SHANK2: variants seen among roughly 807,000 people sequenced by gnomAD.
SHANK2 encodes SH3 and multiple ankyrin repeat domains protein 2.
SHANK2 carries 43 observed loss-of-function variants against 133.7 expected under a neutral mutation model. The ratio of observed to expected loss-of-function variants is 0.32; its 90% CI spans 0.25 to 0.41. The LOEUF (loss-of-function observed/expected upper bound fraction) is 0.41. Among genes scored for constraint, SHANK2 ranks in the 10% least tolerant of loss-of-function variants. The pLI is 1.00. For synonymous variants in SHANK2, 1,017 were observed against 952.8 expected (o/e 1.07, Z -1.24); for missense variants, 1,994 against 2,235.8 (o/e 0.89, Z 2.18).
At position 70,487,209 on chromosome 11, in the gene SHANK2, G is replaced by A. The variant is rs781975321; in HGVS notation, c.3084C>T (p.Ser1028=). 4 of 1,613,998 alleles carry A rather than the reference G, an allele frequency of 2.5e-6. No individual in the cohort carries two copies. In the Admixed American group the frequency reaches 6.7e-5, roughly 27 times the overall value. The change falls in exon 25 of 26, where the codon TCC becomes TCT. Residue 1028 remains serine (S), a synonymous_variant. Transcript: ENST00000601538. This position sits in a 1 kb window ranked among gnomAD's most constrained non-coding sequence, Gnocchi z 5.8. The part of the protein sequence containing the change: ...NVEDSPEKTC[S]IPIPTIIVKE... ...TCACGATGATGGTCGGGATAGGGAT[G>A]GAGCACGTCTTCTCGGGGCTGTCCT...
At chr11:70,928,996 G>A (rs769543046) in intron 10 of SHANK2, among the ~76,000 whole-genome samples, 1 of 152,188 alleles carries the variant, frequency 6.6e-6, no homozygotes, top group Non-Finnish European at 1.5e-5. Flanking sequence ...CTGTGGAGGT[G>A]CACACGTGTC....
chr11:71,198,149 A>T (rs1174669067), intron 2 of SHANK2, among the ~76,000 whole-genome samples: 1 of 151,866 alleles, frequency 6.6e-6, no homozygotes, highest in Non-Finnish European at 1.5e-5. Context: ...GGGTCTCACT[A>T]TGTTGCCCAG....
intron 10 of SHANK2, 108 bp from the exon 11 acceptor site, chr11:70,896,675 C>A: frequency 1.6e-6 from 1 of 643,454 alleles, no homozygotes; most frequent in Non-Finnish European, 2.9e-6. Flanking sequence ...CCAATCAGAA[C>A]CTTTAAAATG....
chr11:70,503,002 G>A (rs1387948057), intron 17 of SHANK2, 71 bp from the exon 18 acceptor site: 2 of 1,556,572 alleles, frequency 1.3e-6, no homozygotes, highest in African/African-American at 2.7e-5. Flanking sequence ...CCCACCCAAG[G>A]CAGAGACATG....
intron 1 of SHANK2, among the ~76,000 whole-genome samples, chr11:71,230,310 A>C (rs1565528765): frequency 6.6e-6 from 1 of 152,034 alleles, no homozygotes; most frequent in Non-Finnish European, 1.5e-5. Context: ...AGCTGAGTGC[A>C]GTGACTCACG....
intron 7 of SHANK2, among the ~76,000 whole-genome samples, chr11:71,092,907 T>C (rs781921827): frequency 1.3e-5 from 2 of 152,056 alleles, no homozygotes; most frequent in African/African-American, 2.4e-5. Context: ...GCCAGCGTGG[T>C]GGCAGGTGTC....
At chr11:71,102,045 G>A (rs898252225) in intron 6 of SHANK2, among the ~76,000 whole-genome samples, 1 of 152,262 alleles carries the variant, frequency 6.6e-6, no homozygotes, top group African/African-American at 2.4e-5. Flanking sequence ...GAGTCGAAAG[G>A]CATTTCTAGC....
chr11:71,248,488 G>A (rs994896068), intron 1 of SHANK2, among the ~76,000 whole-genome samples: 9 of 152,194 alleles, frequency 5.9e-5, no homozygotes, highest in East Asian at 1.9e-4. Flanking sequence ...TAAGGCAAGC[G>A]GCTTCACTCC....
chr11:71,062,205 C>T (rs926920646), intron 9 of SHANK2, among the ~76,000 whole-genome samples: 4 of 152,092 alleles, frequency 2.6e-5, no homozygotes, highest in African/African-American at 7.2e-5. Flanking sequence ...ATCTGTCCAC[C>T]GTGGCCTCTC....
At chr11:70,924,450 T>C (rs1555081191) in intron 10 of SHANK2, among the ~76,000 whole-genome samples, 2 of 152,158 alleles carry the variant, frequency 1.3e-5, no homozygotes. Flanking sequence ...CCTTGCCTGA[T>C]ACTTTTTTAA....
At chr11:70,544,621 C>G (rs564322407) in intron 17 of SHANK2, among the ~76,000 whole-genome samples, 2 of 152,340 alleles carry the variant, frequency 1.3e-5, no homozygotes, top group South Asian at 4.1e-4. Context: ...CCCAACACCC[C>G]CTCCCTGGCC....
At chr11:70,833,652 G>C (rs1166960430) in intron 11 of SHANK2, among the ~76,000 whole-genome samples, 2 of 152,266 alleles carry the variant, frequency 1.3e-5, no homozygotes, top group Non-Finnish European at 2.9e-5. Flanking sequence ...TGCTCAGGGG[G>C]TTAAGTGCAT....
intron 14 of SHANK2, among the ~76,000 whole-genome samples, chr11:70,753,536 C>T (rs1206379100): frequency 1.3e-5 from 2 of 152,008 alleles, no homozygotes; most frequent in Non-Finnish European, 2.9e-5. Context: ...AAGGAGAAAA[C>T]TTAATGAAGT....
At chr11:70,875,103 A>G (rs545036316) in intron 11 of SHANK2, among the ~76,000 whole-genome samples, 1 of 152,282 alleles carries the variant, frequency 6.6e-6, no homozygotes, top group East Asian at 1.9e-4. Context: ...TCTTAGACCA[A>G]CGATTGGGGG....
intron 14 of SHANK2, among the ~76,000 whole-genome samples, chr11:70,763,029 T>C (rs958954293): frequency 1.3e-5 from 2 of 152,158 alleles, no homozygotes; most frequent in Admixed American, 6.5e-5. Context: ...GCCACTCAAC[T>C]CTTTCCTAAC....
chr11:71,196,002 C>T lies in SHANK2; in HGVS notation c.-13+28695G>A, dbSNP rs542993320. Among the ~76,000 whole-genome samples the T allele has an allele frequency of 8.0e-4, 121 of 152,032 alleles. 1 individual carries two copies. The highest frequency in any genetic ancestry group is 6.8e-3 in the Middle Eastern group (2 of 294). Reference sequence around the variant, plus strand: ...TTCGGGACCAGCCTGAGCAACATAGCGAGACCCTGTCTCTACAAAAATATT... The same window carrying T: ...TTCGGGACCAGCCTGAGCAACATAGTGAGACCCTGTCTCTACAAAAATATT... On this transcript the variant is annotated intron_variant, in intron 2 of 25. Transcript: ENST00000601538.
At chr11:70,944,045 A>G (rs1171483935) in intron 10 of SHANK2, 1 of 445,302 alleles carries the variant, frequency 2.2e-6, no homozygotes, top group South Asian at 1.6e-5. Flanking sequence ...TGTTTATGCT[A>G]TTATGGCTAG....
At chr11:70,777,235 C>CTACCCATCCATTCATCCACT (rs2135088056) in intron 14 of SHANK2, among the ~76,000 whole-genome samples, 1 of 152,120 alleles carries the variant, frequency 6.6e-6, no homozygotes, top group East Asian at 1.9e-4. Context: ...ATCCTCCCAG[C>CTACCCATCCATTCATCCACT]TACCCATCCA....
intron 6 of SHANK2, among the ~76,000 whole-genome samples, chr11:71,108,767 C>A (rs1203014562): frequency 1.3e-5 from 2 of 152,226 alleles, no homozygotes; most frequent in Non-Finnish European, 2.9e-5. Context: ...CTCATGCAGT[C>A]CTGCCTCCCA....
Sources: allele counts gnomAD v4.1 joint callset (sites outside exome capture counted in the v4.1 genomes callset), GRCh38; gene constraint gnomAD v4.1.1; non-coding constraint Gnocchi (gnomAD v3.1); transcripts MANE v1.5; gene names NCBI Gene and HGNC (gene_info 2026-07-23, HGNC 2026-07-21).